KANK1: variants seen among roughly 807,000 people sequenced by gnomAD.
KANK1 encodes KN motif and ankyrin repeat domain-containing protein 1.
Under a neutral mutation model 106.2 loss-of-function variants are expected in KANK1, and 109 were observed. The observed-to-expected ratio is 1.03, with a 90% CI of 0.88 to 1.20. KANK1 has a LOEUF of 1.20. Among genes scored for constraint, KANK1 ranks in the 50% most tolerant of loss-of-function variants. The pLI is 0.00. For synonymous variants in KANK1, 873 were observed against 652.2 expected (o/e 1.34, Z -5.16); for missense variants, 2,399 against 1,710.7 (o/e 1.40, Z -7.10).
chr9:510,421 G>T (rs984559867), intron 1 of KANK1, among the ~76,000 whole-genome samples: 1 of 152,136 alleles, frequency 6.6e-6, no homozygotes, highest in Non-Finnish European at 1.5e-5. Context: ...CATGACCAAG[G>T]AGTGTTCATT....
intron 1 of KANK1, among the ~76,000 whole-genome samples, chr9:579,202 C>A (rs1441936729): frequency 6.6e-6 from 1 of 152,092 alleles, no homozygotes; most frequent in East Asian, 1.9e-4. Flanking sequence ...TTCCCCGACC[C>A]ACCCACCCTG....
intron 1 of KANK1, among the ~76,000 whole-genome samples, chr9:631,308 G>A (rs1490549242): frequency 6.6e-6 from 1 of 152,200 alleles, no homozygotes; most frequent in Non-Finnish European, 1.5e-5. Flanking sequence ...GGCCTCATTA[G>A]CACCCCAGGA....
chr9:477,210 T>C (rs555030627), intron 3 of KANK1, among the ~76,000 whole-genome samples: 1 of 152,130 alleles, frequency 6.6e-6, no homozygotes, highest in Non-Finnish European at 1.5e-5. Flanking sequence ...TATTTTTCTC[T>C]TTTATATTTT....
chr9:676,697 C>G (rs919945017), intron 1 of KANK1, among the ~76,000 whole-genome samples, 193 bp from the exon 2 acceptor site: 1 of 152,140 alleles, frequency 6.6e-6, no homozygotes, highest in African/African-American at 2.4e-5. Flanking sequence ...CAGTATGTAG[C>G]CACTGGTACA....
At chr9:744,623 C>G (rs116022009) in intron 11 of KANK1, 34 bp downstream of exon 11, 1 of 1,613,910 alleles carries the variant, frequency 6.2e-7, no homozygotes, top group African/African-American at 1.3e-5. Context: ...TGTAAATAGG[C>G]TGAAATCCAC....
chr9:681,670 G>A (rs562239787), intron 2 of KANK1, among the ~76,000 whole-genome samples: 8 of 152,270 alleles, frequency 5.3e-5, no homozygotes, highest in Admixed American at 5.2e-4. Context: ...CATTCCCCTT[G>A]TTCTCTTGTC....
chr9:649,341 C>T (rs774744752), intron 1 of KANK1, among the ~76,000 whole-genome samples: 3 of 152,112 alleles, frequency 2.0e-5, no homozygotes, highest in Non-Finnish European at 2.9e-5. Flanking sequence ...TTAACACCCT[C>T]GAAAGCGTCC....
chr9:561,327 A>G (rs765588844), intron 1 of KANK1, among the ~76,000 whole-genome samples: 4 of 152,224 alleles, frequency 2.6e-5, no homozygotes, highest in African/African-American at 7.2e-5. Context: ...TTGATAGAGC[A>G]TGTATATCTT....
intron 1 of KANK1, among the ~76,000 whole-genome samples, chr9:672,008 G>C (rs1815269213): frequency 6.6e-6 from 1 of 152,160 alleles, no homozygotes. Context: ...AAAAGGATTT[G>C]CGCAAAGCCT....
upstream of KANK1, among the ~76,000 whole-genome samples, chr9:501,423 AAT>A (rs1184916298): frequency 3.1e-3 from 479 of 152,242 alleles, 2 homozygotes; most frequent in African/African-American, 0.011. Flanking sequence ...ATAAAAAAAA[AAT>A]AGTGTTGCAT....
At chr9:637,000 A>G (rs1837304761) in intron 1 of KANK1, among the ~76,000 whole-genome samples, 1 of 152,248 alleles carries the variant, frequency 6.6e-6, no homozygotes, top group Non-Finnish European at 1.5e-5. Flanking sequence ...AACTTTGTTT[A>G]TACCTTTCAG....
intron 2 of KANK1, among the ~76,000 whole-genome samples, chr9:685,952 C>G (rs988517135): frequency 1.3e-5 from 2 of 152,312 alleles, no homozygotes; most frequent in Admixed American, 6.5e-5. Context: ...TTTGCATCCA[C>G]TGTCCATTAG....
At chr9:478,244 T>C (rs1214974040) in intron 3 of KANK1, 1 of 153,108 alleles carries the variant, frequency 6.5e-6, no homozygotes, top group Non-Finnish European at 1.5e-5. Context: ...CGTAAAGAGA[T>C]CTTGGAGACT....
At chr9:663,802 C>A (rs1402690813) in intron 1 of KANK1, among the ~76,000 whole-genome samples, 1 of 152,292 alleles carries the variant, frequency 6.6e-6, no homozygotes, top group African/African-American at 2.4e-5. Context: ...TGTTCCTTGG[C>A]AGTGCAGCCC....
intron 3 of KANK1, chr9:484,548 C>G (rs2058259351): frequency 6.6e-6 from 1 of 152,190 alleles, no homozygotes; most frequent in African/African-American, 2.4e-5. Context: ...TGACATGGTT[C>G]ATTCTAATAC....
intron 3 of KANK1, chr9:492,305 ATAGT>A (rs1371446570): frequency 6.6e-6 from 1 of 152,224 alleles, no homozygotes; most frequent in Non-Finnish European, 1.5e-5. Flanking sequence ...CAAAGCATCG[ATAGT>A]TAGAGATTTA....
At chr9:647,918 C>T (rs574813898) in intron 1 of KANK1, among the ~76,000 whole-genome samples, 3 of 150,038 alleles carry the variant, frequency 2.0e-5, no homozygotes, top group South Asian at 4.2e-4. Context: ...TGACCCAGTA[C>T]ATTGCAACCC....
intron 1 of KANK1, among the ~76,000 whole-genome samples, chr9:633,963 A>C (rs551202213): frequency 1.2e-4 from 18 of 152,326 alleles, no homozygotes; most frequent in African/African-American, 4.3e-4. Context: ...AAATAGATGC[A>C]AGTCAAAATC....
At chr9:581,050 C>A (rs1821991721) in intron 1 of KANK1, among the ~76,000 whole-genome samples, 3 of 151,850 alleles carry the variant, frequency 2.0e-5, no homozygotes, top group Admixed American at 2.0e-4. Flanking sequence ...CCGGCCGCTC[C>A]AAGTGTGGGG....
Sources: gnomAD v4.1 joint callset for allele counts (sites outside exome capture counted in the v4.1 genomes callset) on GRCh38, gnomAD v4.1.1 for gene constraint, MANE v1.5 for transcripts, NCBI Gene and HGNC (gene_info 2026-07-23, HGNC 2026-07-21) for gene names.